The following ATXN1 variants were observed in gnomAD, a reference collection of about 807,000 sequenced individuals.
ATXN1 encodes the protein ataxin-1.
Under a neutral mutation model 56.4 loss-of-function variants are expected in ATXN1, and 8 were observed. That is an observed-to-expected ratio of 0.14 (90% CI 0.08 to 0.26). The LOEUF (loss-of-function observed/expected upper bound fraction) is 0.26, where lower values mean the gene tolerates loss of function less well. Ranked by LOEUF, ATXN1 falls within the 10% of genes least tolerant of loss-of-function variation. ATXN1 has a pLI of 1.00. For missense variants in ATXN1, 987 were observed against 1,106.5 expected, an observed-to-expected ratio of 0.89 and a Z score of 1.53; for synonymous variants, 514 against 494.6, an observed-to-expected ratio of 1.04 and a Z score of -0.52.
intron 6 of ATXN1, among the ~76,000 whole-genome samples, chr6:16,340,166 G>C (rs965495439): frequency 2.6e-5 from 4 of 152,198 alleles, no homozygotes; most frequent in Non-Finnish European, 5.9e-5. Flanking sequence ...GGAATGTCCT[G>C]CCTCACAGAA....
At chr6:16,704,803 G>A (rs1022996856) in intron 2 of ATXN1, among the ~76,000 whole-genome samples, 4 of 152,142 alleles carry the variant, frequency 2.6e-5, no homozygotes, top group Non-Finnish European at 4.4e-5. Context: ...CAACCTTCAC[G>A]AGAAGTCTCA....
At chr6:16,696,365 C>T (rs1220697144) in intron 2 of ATXN1, among the ~76,000 whole-genome samples, 1 of 151,962 alleles carries the variant, frequency 6.6e-6, no homozygotes, top group Non-Finnish European at 1.5e-5. Flanking sequence ...GCTACTATGT[C>T]GAGGTAATAA....
intron 6 of ATXN1, among the ~76,000 whole-genome samples, chr6:16,338,654 C>T (rs1203316024): frequency 4.6e-5 from 7 of 152,228 alleles, no homozygotes; most frequent in Admixed American, 1.3e-4. Context: ...TACATGGTCG[C>T]CATCGTAGTT....
At chr6:16,621,936 AATCT>A (rs1373547361) in intron 3 of ATXN1, among the ~76,000 whole-genome samples, 1 of 152,190 alleles carries the variant, frequency 6.6e-6, no homozygotes, top group African/African-American at 2.4e-5. Context: ...CGAGTAGTTT[AATCT>A]ATCTGAGTGC....
At chr6:16,461,727 C>A (rs1366782000) in intron 6 of ATXN1, among the ~76,000 whole-genome samples, 1 of 152,190 alleles carries the variant, frequency 6.6e-6, no homozygotes, top group African/African-American at 2.4e-5. Context: ...AATGGTCCGG[C>A]TCTTAAAGCC....
At chr6:16,621,968 T>C (rs73370673) in intron 3 of ATXN1, among the ~76,000 whole-genome samples, 11,077 of 152,196 alleles carry the variant, frequency 0.073, 644 homozygotes, top group Middle Eastern at 0.16. Flanking sequence ...TTTAAAAATC[T>C]GTAGAATAGT....
chr6:16,381,159 C>A (rs576021406), intron 6 of ATXN1, among the ~76,000 whole-genome samples: 100 of 152,168 alleles, frequency 6.6e-4, no homozygotes, highest in African/African-American at 2.3e-3. Flanking sequence ...TGGTGGCGGG[C>A]GCCTATAATT....
At chr6:16,709,667 T>C (rs1759482092) in intron 2 of ATXN1, among the ~76,000 whole-genome samples, 1 of 152,158 alleles carries the variant, frequency 6.6e-6, no homozygotes, top group South Asian at 2.1e-4. Flanking sequence ...ATAAATTCTT[T>C]CAGAAAATAG....
intron 3 of ATXN1, among the ~76,000 whole-genome samples, chr6:16,645,905 G>C (rs2113825539): frequency 6.6e-6 from 1 of 152,214 alleles, no homozygotes; most frequent in Non-Finnish European, 1.5e-5. Flanking sequence ...CACTCCTCTG[G>C]GGAGCCCAGG....
At chr6:16,484,876 C>CA (rs904131101) in intron 6 of ATXN1, among the ~76,000 whole-genome samples, 22 of 146,796 alleles carry the variant, frequency 1.5e-4, no homozygotes, top group African/African-American at 5.5e-4. Flanking sequence ...TAGGCAACTG[C>CA]AAAAAAAATA....
chr6:16,549,187 G>A (rs1761871145), intron 4 of ATXN1, among the ~76,000 whole-genome samples: 1 of 151,872 alleles, frequency 6.6e-6, no homozygotes, highest in African/African-American at 2.4e-5. Context: ...AAGAAATACA[G>A]TCTAAAACAA....
At chr6:16,441,706 C>T (rs1013708202) in intron 6 of ATXN1, among the ~76,000 whole-genome samples, 37 of 151,316 alleles carry the variant, frequency 2.4e-4, no homozygotes, top group African/African-American at 7.8e-4. Context: ...TTGAAGAAAA[C>T]GAAAAAAGAA....
At chr6:16,595,390 TAC>T (rs1346000115) in intron 3 of ATXN1, among the ~76,000 whole-genome samples, 1 of 152,210 alleles carries the variant, frequency 6.6e-6, no homozygotes, top group Non-Finnish European at 1.5e-5. Flanking sequence ...CTCCTACATA[TAC>T]CTATAGATCT....
At chr6:16,713,912 C>T (rs959535530) in intron 2 of ATXN1, among the ~76,000 whole-genome samples, 20 of 152,200 alleles carry the variant, frequency 1.3e-4, no homozygotes, top group Middle Eastern at 6.3e-3. Context: ...AATCCCAGTA[C>T]TTTGGGAGGC....
chr6:16,636,892 T>C (rs533003136), intron 3 of ATXN1, among the ~76,000 whole-genome samples: 13 of 152,318 alleles, frequency 8.5e-5, no homozygotes, highest in African/African-American at 3.1e-4. Flanking sequence ...TTTTACACTG[T>C]TGGTGGGCCT....
intron 6 of ATXN1, among the ~76,000 whole-genome samples, chr6:16,455,008 G>A (rs150872637): frequency 4.2e-4 from 64 of 152,310 alleles, no homozygotes; most frequent in African/African-American, 1.5e-3. Context: ...AAGGGAATGC[G>A]AGAGGATATA....
intron 6 of ATXN1, among the ~76,000 whole-genome samples, chr6:16,459,866 A>G (rs540434717): frequency 6.6e-6 from 1 of 152,302 alleles, no homozygotes; most frequent in South Asian, 2.1e-4. Flanking sequence ...AGGCTACTCT[A>G]GATCTCTTGA....
intron 3 of ATXN1, among the ~76,000 whole-genome samples, chr6:16,601,364 A>AT (rs1358060503): frequency 1.2e-4 from 19 of 152,202 alleles, no homozygotes; most frequent in Non-Finnish European, 4.4e-5. Flanking sequence ...ACGTGGAACA[A>AT]ATTACTGGGG....
chr6:16,317,708 G>T (rs1328462499), intron 7 of ATXN1, among the ~76,000 whole-genome samples: 1 of 151,196 alleles, frequency 6.6e-6, no homozygotes, highest in Non-Finnish European at 1.5e-5. Context: ...TGCTTTTGGG[G>T]GTGGACCGCC....
Sources: allele counts gnomAD v4.1 joint callset (sites outside exome capture counted in the v4.1 genomes callset), GRCh38; gene constraint gnomAD v4.1.1; transcripts MANE v1.5; gene names NCBI Gene and HGNC (gene_info 2026-07-23, HGNC 2026-07-21).